RAPGEF5: variants seen among roughly 807,000 people sequenced by gnomAD.
RAPGEF5 encodes Rap guanine nucleotide exchange factor 5.
In RAPGEF5, 65 loss-of-function variants were observed where a neutral mutation model predicts 125.2. That is an observed-to-expected ratio of 0.52 (90% CI 0.43 to 0.64). The LOEUF (loss-of-function observed/expected upper bound fraction) is 0.64, where lower values mean the gene tolerates loss of function less well. RAPGEF5 is among the 30% of genes least tolerant of loss of function. RAPGEF5 has a pLI of 0.00. For missense variants in RAPGEF5, 958 were observed against 1,048.1 expected, an observed-to-expected ratio of 0.91 and a Z score of 1.19; for synonymous variants, 391 against 385.9, an observed-to-expected ratio of 1.01 and a Z score of -0.16.
At chr7:22,309,519 T>C (rs1783421133) in intron 4 of RAPGEF5, among the ~76,000 whole-genome samples, 1 of 152,208 alleles carries the variant, frequency 6.6e-6, no homozygotes, top group African/African-American at 2.4e-5. Flanking sequence ...CTGTTCAGTC[T>C]AAACAGCTAA....
chr7:22,136,783 TAAG>T (rs1185002679), intron 22 of RAPGEF5, 147 bp downstream of exon 22: 2 of 665,788 alleles, frequency 3.0e-6, no homozygotes, highest in Non-Finnish European at 5.1e-6. Context: ...CTTCCCTCCA[TAAG>T]AAGCAAAGCT....
At chr7:22,284,403 T>A (rs1690321620) in intron 6 of RAPGEF5, among the ~76,000 whole-genome samples, 1 of 152,114 alleles carries the variant, frequency 6.6e-6, no homozygotes, top group Non-Finnish European at 1.5e-5. Flanking sequence ...TGGCTCCGTA[T>A]AAACCACAGA....
At chr7:22,250,965 G>A (rs1786603898) in intron 7 of RAPGEF5, among the ~76,000 whole-genome samples, 1 of 152,018 alleles carries the variant, frequency 6.6e-6, no homozygotes, top group East Asian at 1.9e-4. Context: ...AAATTTCCTG[G>A]CCACACCCCC....
At chr7:22,145,008 A>G in intron 20 of RAPGEF5, 36 bp downstream of exon 20, 1 of 1,598,828 alleles carries the variant, frequency 6.3e-7, no homozygotes, top group Non-Finnish European at 8.5e-7. Context: ...TCTCAAGAAG[A>G]CTAGAGGAAT....
At chr7:22,295,896 A>C (rs896090219) in intron 5 of RAPGEF5, among the ~76,000 whole-genome samples, 4 of 152,108 alleles carry the variant, frequency 2.6e-5, no homozygotes, top group Non-Finnish European at 4.4e-5. Flanking sequence ...ACTTGAACTT[A>C]AGCTCTCTGG....
chr7:22,181,246 G>T (rs1784663047), intron 11 of RAPGEF5, among the ~76,000 whole-genome samples: 1 of 152,074 alleles, frequency 6.6e-6, no homozygotes, highest in South Asian at 2.1e-4. Flanking sequence ...AACTTAGGGG[G>T]AAAAAGCTTA....
chr7:22,151,988 C>T (rs949590622), intron 17 of RAPGEF5, among the ~76,000 whole-genome samples: 7 of 152,148 alleles, frequency 4.6e-5, no homozygotes, highest in East Asian at 3.8e-4. Flanking sequence ...CTCCTAACTA[C>T]AAAATGCATA....
intron 9 of RAPGEF5, among the ~76,000 whole-genome samples, chr7:22,202,256 G>C (rs1477553262): frequency 6.6e-6 from 1 of 152,140 alleles, no homozygotes; most frequent in Non-Finnish European, 1.5e-5. Context: ...TCTGACTCCA[G>C]GGTCTTTGGA....
At chr7:22,242,293 G>C (rs1185283287) in intron 7 of RAPGEF5, among the ~76,000 whole-genome samples, 1 of 152,218 alleles carries the variant, frequency 6.6e-6, no homozygotes, top group African/African-American at 2.4e-5. Flanking sequence ...TATTTTTCCT[G>C]AGTAGCTCTT....
intron 11 of RAPGEF5, among the ~76,000 whole-genome samples, chr7:22,181,642 A>C (rs2128121712): frequency 6.6e-6 from 1 of 152,294 alleles, no homozygotes; most frequent in East Asian, 1.9e-4. Flanking sequence ...GTTGTTGTTT[A>C]GTTTCCCACG....
intron 6 of RAPGEF5, among the ~76,000 whole-genome samples, chr7:22,274,956 A>G (rs1337094256): frequency 6.6e-6 from 1 of 152,164 alleles, no homozygotes; most frequent in African/African-American, 2.4e-5. Context: ...TCGGGTCTTC[A>G]GTATCATCTC....
intron 9 of RAPGEF5, among the ~76,000 whole-genome samples, chr7:22,217,749 A>G (rs1325699642): frequency 1.3e-5 from 2 of 152,230 alleles, no homozygotes; most frequent in Non-Finnish European, 2.9e-5. Context: ...TTTACACACC[A>G]TCTTTCCTCT....
chr7:22,245,235 T>A (rs866660622), intron 7 of RAPGEF5, among the ~76,000 whole-genome samples: 3 of 152,240 alleles, frequency 2.0e-5, no homozygotes, highest in Admixed American at 2.0e-4. Flanking sequence ...GTGTGGTTTA[T>A]AAATAATTTT....
Position 22,230,495 on chromosome 7 carries a change from G to A in RAPGEF5, c.870+351C>T, listed in dbSNP as rs112123290. On this transcript the variant is annotated intron_variant, in intron 8 of 25. Transcript: ENST00000665637. ...TAAAGCATATTCATGCCGTGATTTA[G>A]CTACTGGGAGGTAGCACAGAACCTC... Among the ~76,000 whole-genome samples the A allele has an allele frequency of 4.9e-3, 744 of 152,272 alleles. 10 individuals carry two copies. The highest frequency in any genetic ancestry group is 0.027 in the South Asian group (129 of 4,824).
At chr7:22,215,331 T>G (rs1429218385) in intron 9 of RAPGEF5, among the ~76,000 whole-genome samples, 2 of 152,216 alleles carry the variant, frequency 1.3e-5, no homozygotes, top group African/African-American at 4.8e-5. Context: ...CAATGTGGAT[T>G]CTTTAAATCC....
Position 22,145,094 on chromosome 7 carries a change from C to G in RAPGEF5, c.2136G>C (p.Gln712His). The change falls in exon 20 of 26, where the codon CAG becomes CAC. Residue 712 changes from glutamine (Q) to histidine (H), a missense_variant. Gln to His is a conservative substitution (Grantham distance 24). Coordinates refer to ENST00000665637, the MANE Select transcript of RAPGEF5 (RefSeq NM_012294.5). ...TCACCAGCTGCACTCGCTTGCCCAGCTGGCTGCAGAGCAGAATCTCCGTGG... is the reference window on the plus strand; with the variant it reads ...TCACCAGCTGCACTCGCTTGCCCAGGTGGCTGCAGAGCAGAATCTCCGTGG... ...WVATEILLCSQLGKRVQLVKK... is the reference protein window; with the variant it reads ...WVATEILLCSHLGKRVQLVKK... 3 of 1,613,832 alleles carry G rather than the reference C, an allele frequency of 1.9e-6. No individual in the cohort carries two copies. The highest frequency in any genetic ancestry group is 2.5e-6 in the Non-Finnish European group (3 of 1,179,792).
At chr7:22,345,163 A>AC (rs1784198744) in intron 1 of RAPGEF5, among the ~76,000 whole-genome samples, 1 of 152,172 alleles carries the variant, frequency 6.6e-6, no homozygotes, top group Admixed American at 6.5e-5. Flanking sequence ...CCCACCCTTC[A>AC]CCGCAGCCTG....
intron 7 of RAPGEF5, among the ~76,000 whole-genome samples, chr7:22,252,152 T>C (rs146366714): frequency 1.3e-5 from 2 of 152,308 alleles, no homozygotes; most frequent in Non-Finnish European, 2.9e-5. Context: ...AAACTGTTTC[T>C]CCAGGCTTAG....
At chr7:22,316,487 A>ATTT (rs879849683) in intron 2 of RAPGEF5, among the ~76,000 whole-genome samples, 26 of 34,126 alleles carry the variant, frequency 7.6e-4, no homozygotes, top group Non-Finnish European at 9.5e-4. Context: ...ATATATATAT[A>ATTT]TATTTTTTTT....
Sources: gnomAD v4.1 joint callset for allele counts (sites outside exome capture counted in the v4.1 genomes callset) on GRCh38, gnomAD v4.1.1 for gene constraint, MANE v1.5 for transcripts, NCBI Gene and HGNC (gene_info 2026-07-23, HGNC 2026-07-21) for gene names.